KCND2: variants seen among roughly 807,000 people sequenced by gnomAD.
The protein encoded by KCND2 is A-type voltage-gated potassium channel KCND2.
Under a neutral mutation model 54.4 loss-of-function variants are expected in KCND2, and 16 were observed. The ratio of observed to expected loss-of-function variants is 0.29; its 90% CI spans 0.20 to 0.45. The LOEUF (loss-of-function observed/expected upper bound fraction) is 0.45, where lower values mean the gene tolerates loss of function less well. Ranked by LOEUF, KCND2 falls within the 20% of genes least tolerant of loss-of-function variation. The pLI is 1.00. For synonymous variants in KCND2, 317 were observed against 310.7 expected (o/e 1.02, Z -0.21); for missense variants, 486 against 824.2 (o/e 0.59, Z 5.02).
intron 1 of KCND2, among the ~76,000 whole-genome samples, chr7:120,664,598 A>G (rs1357601646): frequency 6.6e-6 from 1 of 152,130 alleles, no homozygotes; most frequent in Non-Finnish European, 1.5e-5. Context: ...GAGGCCACAG[A>G]TAGAGCTCCC....
chr7:120,416,777 C>CAA (rs200783464), intron 1 of KCND2, among the ~76,000 whole-genome samples: 14,058 of 112,106 alleles, frequency 0.13, 742 homozygotes, highest in Admixed American at 0.16. Context: ...CATAGACTAG[C>CAA]AAAAAAAAAA....
intron 1 of KCND2, among the ~76,000 whole-genome samples, chr7:120,300,222 C>T (rs2116293391): frequency 6.6e-6 from 1 of 152,194 alleles, no homozygotes; most frequent in Admixed American, 6.5e-5. Flanking sequence ...TTGGAATTGA[C>T]CAATTCATAT....
chr7:120,348,003 A>G (rs1310415329), intron 1 of KCND2, among the ~76,000 whole-genome samples: 1 of 152,100 alleles, frequency 6.6e-6, no homozygotes, highest in Non-Finnish European at 1.5e-5. Context: ...TCTTTCAGGA[A>G]GGCGCTAAAC....
At chr7:120,477,138 T>G (rs1802545162) in intron 1 of KCND2, among the ~76,000 whole-genome samples, 1 of 152,214 alleles carries the variant, frequency 6.6e-6, no homozygotes, top group Non-Finnish European at 1.5e-5. Context: ...TGCACTGTTA[T>G]TTTATACTAT....
At chr7:120,737,948 A>G (rs1391089702) in intron 2 of KCND2, among the ~76,000 whole-genome samples, 2 of 151,992 alleles carry the variant, frequency 1.3e-5, no homozygotes, top group Non-Finnish European at 2.9e-5. Flanking sequence ...TACCTCATCT[A>G]GAAATGACTG....
At chr7:120,376,288 A>G (rs190126705) in intron 1 of KCND2, among the ~76,000 whole-genome samples, 18 of 151,802 alleles carry the variant, frequency 1.2e-4, no homozygotes. Flanking sequence ...GAGGAAAGGC[A>G]TGGTTATACT....
intron 1 of KCND2, among the ~76,000 whole-genome samples, chr7:120,470,932 A>G (rs992425994): frequency 6.6e-6 from 1 of 152,114 alleles, no homozygotes; most frequent in Non-Finnish European, 1.5e-5. Context: ...CATAGAGCTT[A>G]GTAACTTCCC....
At chr7:120,673,854 A>G (rs1463280805) in intron 1 of KCND2, among the ~76,000 whole-genome samples, 1 of 151,614 alleles carries the variant, frequency 6.6e-6, no homozygotes, top group Non-Finnish European at 1.5e-5. Flanking sequence ...AGGTTGAATA[A>G]TCTTTCCTTC....
At chr7:120,511,738 G>A (rs985093972) in intron 1 of KCND2, among the ~76,000 whole-genome samples, 1 of 152,040 alleles carries the variant, frequency 6.6e-6, no homozygotes, top group East Asian at 1.9e-4. Flanking sequence ...GAGGATAATA[G>A]CACCTATCCC....
intron 1 of KCND2, among the ~76,000 whole-genome samples, chr7:120,446,217 G>A (rs1344545874): frequency 2.0e-5 from 3 of 152,052 alleles, no homozygotes; most frequent in African/African-American, 7.2e-5. Flanking sequence ...ATCTCTGCCT[G>A]CTCAAAACTT....
chr7:120,366,053 T>G (rs1188817496), intron 1 of KCND2, among the ~76,000 whole-genome samples: 2 of 152,156 alleles, frequency 1.3e-5, no homozygotes, highest in South Asian at 4.1e-4. Flanking sequence ...GTAGAGATGA[T>G]TCCAGTTAGT....
At chr7:120,556,509 C>T (rs985036123) in intron 1 of KCND2, among the ~76,000 whole-genome samples, 15 of 152,300 alleles carry the variant, frequency 9.8e-5, no homozygotes, top group African/African-American at 3.6e-4. Flanking sequence ...TTAAGGATCT[C>T]TCTTTAGATA....
chr7:120,524,869 A>C (rs929211812), intron 1 of KCND2, among the ~76,000 whole-genome samples: 1 of 152,154 alleles, frequency 6.6e-6, no homozygotes, highest in South Asian at 2.1e-4. Flanking sequence ...TTTCTTGGGA[A>C]TGTGTTCAAC....
At chr7:120,547,122 A>T (rs1562869794) in intron 1 of KCND2, among the ~76,000 whole-genome samples, 1 of 152,024 alleles carries the variant, frequency 6.6e-6, no homozygotes, top group Non-Finnish European at 1.5e-5. Flanking sequence ...TATATGTAGA[A>T]TTATAAGAAA....
chr7:120,480,933 G>A (rs1802599135), intron 1 of KCND2, among the ~76,000 whole-genome samples: 1 of 152,162 alleles, frequency 6.6e-6, no homozygotes, highest in South Asian at 2.1e-4. Flanking sequence ...GAATTTGGAG[G>A]AGTGGGTTTA....
At chr7:120,712,552 C>A (rs528027745) in intron 1 of KCND2, among the ~76,000 whole-genome samples, 1 of 151,728 alleles carries the variant, frequency 6.6e-6, no homozygotes, top group Non-Finnish European at 1.5e-5. Context: ...TGATCCACTG[C>A]GCCTGGCCTG....
intron 1 of KCND2, among the ~76,000 whole-genome samples, chr7:120,705,838 C>T (rs1792460202): frequency 6.6e-6 from 1 of 152,154 alleles, no homozygotes; most frequent in Admixed American, 6.6e-5. Flanking sequence ...CTCTCACTAT[C>T]TCTCTGCCCA....
At chr7:120,675,640 T>C (rs1363333903) in intron 1 of KCND2, among the ~76,000 whole-genome samples, 1 of 152,162 alleles carries the variant, frequency 6.6e-6, no homozygotes, top group African/African-American at 2.4e-5. Context: ...TCCTGCTTGC[T>C]ATAATACATA....
At chr7:120,316,529 A>G (rs948878921) in intron 1 of KCND2, among the ~76,000 whole-genome samples, 1 of 152,160 alleles carries the variant, frequency 6.6e-6, no homozygotes. Flanking sequence ...TACTGTTTCT[A>G]TGTGTAAAAG....
Sources: allele counts gnomAD v4.1 joint callset (sites outside exome capture counted in the v4.1 genomes callset), GRCh38; gene constraint gnomAD v4.1.1; transcripts MANE v1.5; gene names NCBI Gene and HGNC (gene_info 2026-07-23, HGNC 2026-07-21).